The following ZNF560 variants were observed in gnomAD, a reference collection of about 807,000 sequenced individuals.
ZNF560 encodes zinc finger protein 560.
ZNF560 carries 54 observed loss-of-function variants against 81.8 expected under a neutral mutation model. The ratio of observed to expected loss-of-function variants is 0.66; its 90% CI spans 0.53 to 0.83. The LOEUF (loss-of-function observed/expected upper bound fraction) is 0.83. Among genes scored for constraint, ZNF560 ranks in the 40% least tolerant of loss-of-function variants. The pLI is 0.00. For synonymous variants in ZNF560, 321 were observed against 317.9 expected, an observed-to-expected ratio of 1.01 and a Z score of -0.10; for missense variants, 940 against 932.4, an observed-to-expected ratio of 1.01 and a Z score of -0.11.
chr19:9,459,985 C>A, the ZNF560 span, among the ~76,000 whole-genome samples: 2 of 145,870 alleles, frequency 1.4e-5, no homozygotes, highest in Non-Finnish European at 3.0e-5. Context: ...CTTCTACCGA[C>A]ACAGAAAGTG....
the ZNF560 span, among the ~76,000 whole-genome samples, chr19:9,460,585 A>G: frequency 6.6e-6 from 1 of 152,050 alleles, no homozygotes; most frequent in African/African-American, 2.4e-5. Context: ...TTTCTTTAGG[A>G]TTTAAGCATC....
chr19:9,481,448 T>A (rs1275997416), intron 2 of ZNF560, among the ~76,000 whole-genome samples: 1 of 152,216 alleles, frequency 6.6e-6, no homozygotes, highest in African/African-American at 2.4e-5. Flanking sequence ...AAACAGCTTC[T>A]GCACAGCAAA....
Position 9,469,099 on chromosome 19 carries a change from T to A in ZNF560, c.612+6A>T. The A allele has an allele frequency of 6.3e-7, 1 of 1,577,154 alleles. No homozygotes were observed. On this transcript the variant is annotated splice_donor_region_variant and intron_variant, in intron 9 of 9. Coordinates refer to ENST00000301480, the MANE Select transcript of ZNF560 (RefSeq NM_152476.3). ...AAAAATAAGAAAGTTCTTTTGTTAA[T>A]CTTACCAACTGTATCCCATTTAATG...
chr19:9,446,914 C>A, the ZNF560 span, among the ~76,000 whole-genome samples: 2 of 152,144 alleles, frequency 1.3e-5, no homozygotes, highest in South Asian at 2.1e-4. Flanking sequence ...GTGGGCAGAT[C>A]ACAAGGTCAG....
At chr19:9,493,572 G>A (rs1288410789) in intron 2 of ZNF560, among the ~76,000 whole-genome samples, 2 of 152,036 alleles carry the variant, frequency 1.3e-5, no homozygotes, top group Non-Finnish European at 2.9e-5. Context: ...ATGTTGGCCA[G>A]GCTGGTCTCA....
chr19:9,490,748 G>C (rs1261353724), intron 2 of ZNF560, among the ~76,000 whole-genome samples: 1 of 152,154 alleles, frequency 6.6e-6, no homozygotes, highest in African/African-American at 2.4e-5. Flanking sequence ...AATATTGCTT[G>C]ATCTATGTAA....
chr19:9,451,152 G>C, the ZNF560 span, among the ~76,000 whole-genome samples: 1 of 151,864 alleles, frequency 6.6e-6, no homozygotes, highest in Non-Finnish European at 1.5e-5. Flanking sequence ...AACTGAAAAA[G>C]AGCCCAAATA....
intron 2 of ZNF560, among the ~76,000 whole-genome samples, chr19:9,489,427 C>A (rs970002093): frequency 3.3e-5 from 5 of 150,318 alleles, no homozygotes; most frequent in African/African-American, 1.2e-4. Context: ...AGAGGCGCTC[C>A]TCACTTCCCA....
intron 2 of ZNF560, among the ~76,000 whole-genome samples, chr19:9,486,223 C>T (rs1302329545): frequency 2.0e-5 from 3 of 152,076 alleles, no homozygotes; most frequent in Non-Finnish European, 4.4e-5. Context: ...GGCTGGTAAG[C>T]AGTATCCTGG....
chr19:9,500,553 A>G (rs1233625012), upstream of ZNF560, among the ~76,000 whole-genome samples: 1 of 152,038 alleles, frequency 6.6e-6, no homozygotes, highest in African/African-American at 2.4e-5. Context: ...GTCACGTTGA[A>G]TAAACTCCCT....
chr19:9,495,262 T>C (rs2073540151), intron 2 of ZNF560, among the ~76,000 whole-genome samples: 1 of 152,182 alleles, frequency 6.6e-6, no homozygotes, highest in Non-Finnish European at 1.5e-5. Context: ...TGATGACTGA[T>C]AGAACTGGAT....
At chr19:9,454,764 C>T in the ZNF560 span, among the ~76,000 whole-genome samples, 2 of 152,050 alleles carry the variant, frequency 1.3e-5, no homozygotes, top group Admixed American at 6.5e-5. Context: ...TGAGGATATT[C>T]CTATAACTGT....
At chr19:9,461,169 T>C in the ZNF560 span, among the ~76,000 whole-genome samples, 1 of 152,206 alleles carries the variant, frequency 6.6e-6, no homozygotes, top group Non-Finnish European at 1.5e-5. Context: ...CTAATTACAT[T>C]TTAGAACTTG....
At chr19:9,449,208 C>T in the ZNF560 span, among the ~76,000 whole-genome samples, 1 of 152,190 alleles carries the variant, frequency 6.6e-6, no homozygotes, top group East Asian at 1.9e-4. Flanking sequence ...TTCTTCTCGT[C>T]TGCACACAGA....
At chr19:9,447,576 T>A in the ZNF560 span, among the ~76,000 whole-genome samples, 78 of 152,110 alleles carry the variant, frequency 5.1e-4, no homozygotes, top group Non-Finnish European at 1.0e-3. Flanking sequence ...AATTTTAAAA[T>A]AAAATTGAAA....
In ZNF560 at chr19:9,466,661, A is replaced by G. The variant is rs771569778; in HGVS notation, c.2286T>C (p.His762=). 2.5e-6 allele frequency: 4 copies of G among 1,613,710 alleles called. No individual in the cohort carries two copies. In the East Asian group the frequency reaches 6.7e-5, roughly 27 times the overall value. Residue 762 remains histidine (H), a synonymous_variant, in exon 10 of 10, where the codon CAT becomes CAC. Coordinates refer to ENST00000301480, the MANE Select transcript of ZNF560 (RefSeq NM_152476.3). The stretch of plus-strand genomic sequence containing the variant: ...CACATTCAAAGGGTTTCTCTCCCAT[A>G]TGAGTTCTTAAATGTTGAATACGTC... ...SSGRIQHLRT[H]MGEKPFECDQ... is the part of the protein sequence containing the mutation.
the ZNF560 span, among the ~76,000 whole-genome samples, chr19:9,448,291 A>G: frequency 2.5e-4 from 38 of 151,232 alleles, no homozygotes; most frequent in African/African-American, 8.8e-4. Flanking sequence ...GAGTGCAATG[A>G]CACGATCTTG....
intron 5 of ZNF560, among the ~76,000 whole-genome samples, chr19:9,472,543 C>T (rs73018201): frequency 5.5e-4 from 84 of 152,278 alleles, no homozygotes; most frequent in East Asian, 2.7e-3. Flanking sequence ...TTAGTTTGCG[C>T]GCTCCTTTTG....
In ZNF560 at chr19:9,470,429, A is replaced by G. The variant is rs755674240; in HGVS notation, c.411T>C (p.Asp137=). Residue 137 remains aspartate (D), a synonymous_variant, in exon 7 of 10, where the codon GAT becomes GAC. Coordinates refer to ENST00000301480, the MANE Select transcript of ZNF560 (RefSeq NM_152476.3). ...LDPAQRNLYS[D]VMLENYKNLS... The stretch of plus-strand genomic sequence containing the variant: ...GGTTCTTGTAGTTCTCCAGCATCAC[A>G]TCACTGTACAGGTTTCTCTGAGCTG... 6.2e-7 allele frequency: 1 copy of G among 1,613,888 alleles called. No individual in the cohort carries two copies. The highest frequency in any genetic ancestry group is 8.5e-7 in the Non-Finnish European group (1 of 1,179,880).
Sources: gnomAD v4.1 joint callset for allele counts (sites outside exome capture counted in the v4.1 genomes callset) on GRCh38, gnomAD v4.1.1 for gene constraint, MANE v1.5 for transcripts, NCBI Gene and HGNC (gene_info 2026-07-23, HGNC 2026-07-21) for gene names.